The following ANK1 variants were observed in gnomAD, a reference collection of about 807,000 sequenced individuals.
The protein encoded by ANK1 is ankyrin-1.
Under a neutral mutation model 210.4 loss-of-function variants are expected in ANK1, and 51 were observed. The observed-to-expected ratio is 0.24, with a 90% CI of 0.19 to 0.31. The LOEUF is 0.31. Ranked by LOEUF, ANK1 falls within the 10% of genes least tolerant of loss-of-function variation. The pLI is 1.00. For missense variants in ANK1, 2,051 were observed against 2,504.4 expected (o/e 0.82, Z 3.86); for synonymous variants, 967 against 1,025.9 (o/e 0.94, Z 1.10).
intron 1 of ANK1, among the ~76,000 whole-genome samples, chr8:41,824,212 G>A (rs1804960717): frequency 6.6e-6 from 1 of 152,076 alleles, no homozygotes; most frequent in Non-Finnish European, 1.5e-5. Flanking sequence ...TGATCCAACC[G>A]CCTCGGCCTC....
intron 1 of ANK1, among the ~76,000 whole-genome samples, chr8:41,776,096 A>G (rs1044245694): frequency 2.6e-5 from 4 of 152,172 alleles, no homozygotes; most frequent in African/African-American, 9.7e-5. Flanking sequence ...GGGGTGGTGC[A>G]TGAAACACAG....
intron 40 of ANK1, 73 bp downstream of exon 40, chr8:41,663,586 C>G: frequency 6.3e-6 from 9 of 1,432,286 alleles, no homozygotes; most frequent in East Asian, 2.3e-5. Context: ...GGAGAAGCCA[C>G]TGGCTTCTAC....
intron 1 of ANK1, among the ~76,000 whole-genome samples, chr8:41,767,603 T>C (rs1000594801): frequency 5.9e-5 from 9 of 152,020 alleles, no homozygotes; most frequent in African/African-American, 2.2e-4. Context: ...GATGGGAAAG[T>C]TAATGCGAAG....
At chr8:41,787,036 G>A (rs1846555123) in intron 1 of ANK1, among the ~76,000 whole-genome samples, 1 of 152,204 alleles carries the variant, frequency 6.6e-6, no homozygotes. Context: ...CACTCCACAT[G>A]TATTTATTTA....
rs927740811 is a variant in ANK1, at chr8:41,653,990, C to T, written c.*1800G>A. ...GTGGGAAGCAGGGCCCCTCTCCGCTCACAGGCCCCGCGGCCAGGGGGCCTC... is the reference window on the plus strand; with the variant it reads ...GTGGGAAGCAGGGCCCCTCTCCGCTTACAGGCCCCGCGGCCAGGGGGCCTC... On this transcript the variant is annotated 3_prime_UTR_variant, in exon 43 of 43. Coordinates refer to ENST00000289734, the MANE Select transcript of ANK1 (RefSeq NM_000037.4). The T allele has an allele frequency of 1.3e-5, 2 of 152,236 alleles. No individual in the cohort carries two copies. The highest frequency in any genetic ancestry group is 4.8e-5 in the African/African-American group (2 of 41,462). The allele number at this position is 152,236 out of a possible 1,614,324, so 9.4% of individuals were successfully genotyped here. A position where few individuals can be genotyped will look rare whatever the true frequency, so the allele number is the denominator to read the frequency against.
chr8:41,738,467 C>T (rs1238172892), intron 2 of ANK1, among the ~76,000 whole-genome samples: 1 of 152,220 alleles, frequency 6.6e-6, no homozygotes, highest in African/African-American at 2.4e-5. Flanking sequence ...CACAAAGGAG[C>T]TTGTACAGCT....
intron 1 of ANK1, among the ~76,000 whole-genome samples, chr8:41,871,552 C>T (rs1317288056): frequency 2.0e-5 from 3 of 152,106 alleles, no homozygotes; most frequent in African/African-American, 7.2e-5. Context: ...GATCGGGGGG[C>T]GATGTTTCCA....
chr8:41,798,427 AG>A (rs944022197), upstream of ANK1, among the ~76,000 whole-genome samples: 26 of 152,154 alleles, frequency 1.7e-4, no homozygotes, highest in African/African-American at 6.3e-4. Context: ...TGGCGCGGGC[AG>A]GGGGGCGCCC....
intron 2 of ANK1, 76 bp downstream of exon 2, chr8:41,757,960 T>C: frequency 3.7e-6 from 5 of 1,360,830 alleles, no homozygotes; most frequent in Non-Finnish European, 5.2e-6. Context: ...ATAGAGGCAG[T>C]TTCAAAGCTC....
chr8:41,845,548 T>C (rs555711207), intron 1 of ANK1, among the ~76,000 whole-genome samples: 78 of 152,114 alleles, frequency 5.1e-4, no homozygotes, highest in African/African-American at 1.9e-3. Flanking sequence ...GTGTGGTGCG[T>C]GCCTTTGGGG....
intron 1 of ANK1, among the ~76,000 whole-genome samples, chr8:41,822,122 GAGAAAGAAAGAGAAAGAAAGA>G: frequency 3.1e-5 from 1 of 31,938 alleles, no homozygotes; most frequent in South Asian, 1.3e-3. Context: ...GAGAAAGAAA[GAGAAAGAAAGAGAAAGAAAGA>G]AAGAAAGAAA....
intron 1 of ANK1, among the ~76,000 whole-genome samples, chr8:41,883,307 G>A (rs573883960): frequency 6.6e-6 from 1 of 152,152 alleles, no homozygotes; most frequent in Non-Finnish European, 1.5e-5. Context: ...TTGCAGTCTG[G>A]TGCCACCACT....
chr8:41,803,592 T>C (rs1340231967), intron 1 of ANK1: 1 of 151,930 alleles, frequency 6.6e-6, no homozygotes. Flanking sequence ...AGATATCCAA[T>C]ATATTTTTGA....
rs571980115 is a variant in ANK1, at chr8:41,846,580, A to G, written c.126+49775T>C. Among the ~76,000 whole-genome samples, 47 of 152,378 alleles carry G rather than the reference A, an allele frequency of 3.1e-4. No homozygotes were observed. The South Asian group carries it at 9.7e-3, about 32-fold the overall frequency. The stretch of plus-strand genomic sequence containing the variant: ...AAATTGCTTCTTAATTACTGCTTAC[A>G]GTGCAAGTTTTTGCTTTGGCTTGGG... On this transcript the variant is annotated intron_variant, in intron 1 of 42. Transcript: ENST00000265709.
At chr8:41,723,738 A>G (rs1011447061) in intron 7 of ANK1, 105 bp from the exon 8 acceptor site, 7 of 893,416 alleles carry the variant, frequency 7.8e-6, no homozygotes, top group South Asian at 2.7e-5. Context: ...CAGGCCTGCA[A>G]CAGCGTTGTC....
rs767799501 is a variant in ANK1 at position 41,704,500 on chromosome 8, G to C, written c.2098-28C>G. On this transcript the variant is annotated intron_variant, in intron 18 of 42. Coordinates refer to ENST00000289734, the MANE Select transcript of ANK1 (RefSeq NM_000037.4). The surrounding 1 kb of genome is among the most constrained non-coding windows in gnomAD (Gnocchi z 4.1). ...GAAAAGCAGATGAGAAGGAGTGACCGGAGCTGTCCTGAGCTGGGCATCACA... is the reference window on the plus strand; with the variant it reads ...GAAAAGCAGATGAGAAGGAGTGACCCGAGCTGTCCTGAGCTGGGCATCACA... The C allele has an allele frequency of 6.3e-7, 1 of 1,586,088 alleles. No homozygotes were observed. The highest frequency in any genetic ancestry group is 1.3e-5 in the African/African-American group (1 of 74,424).
intron 18 of ANK1, among the ~76,000 whole-genome samples, chr8:41,705,382 G>A (rs953239009): frequency 6.6e-6 from 1 of 152,198 alleles, no homozygotes; most frequent in African/African-American, 2.4e-5. Flanking sequence ...CAGAACATTC[G>A]TGGATTTTAA....
rs543277362 is a variant in ANK1, at chr8:41,716,621, T to A, written c.1404+332A>T. Among the ~76,000 whole-genome samples the A allele has an allele frequency of 4.6e-5, 7 of 152,318 alleles. No homozygotes were observed. The East Asian group carries it at 7.7e-4, about 17-fold the overall frequency. On this transcript the variant is annotated intron_variant, in intron 13 of 42. Coordinates refer to ENST00000289734, the MANE Select transcript of ANK1 (RefSeq NM_000037.4). ...ACTCTCCAGTTTTAGATCAAGTAAT[T>A]CTTGCCTGATTTTTGCTGGCAATGC...
At chr8:41,665,216 C>T (rs969425689) in intron 39 of ANK1, 111 of 1,525,208 alleles carry the variant, frequency 7.3e-5, no homozygotes, top group East Asian at 4.2e-4. Flanking sequence ...ATGGCCCTCT[C>T]GGCTGAAGCA....
Sources: allele counts gnomAD v4.1 joint callset (sites outside exome capture counted in the v4.1 genomes callset), GRCh38; gene constraint gnomAD v4.1.1; non-coding constraint Gnocchi (gnomAD v3.1); transcripts MANE v1.5; gene names NCBI Gene and HGNC (gene_info 2026-07-23, HGNC 2026-07-21).